EHMT1: variants seen among roughly 807,000 people sequenced by gnomAD.
The protein encoded by EHMT1 is euchromatic histone lysine methyltransferase 1.
Under a neutral mutation model 147.2 loss-of-function variants are expected in EHMT1, and 15 were observed. The observed-to-expected ratio is 0.10, with a 90% confidence interval of 0.07 to 0.16. EHMT1 has a LOEUF of 0.16. Among genes scored for constraint, EHMT1 ranks in the 10% least tolerant of loss-of-function variants. The pLI, the probability that EHMT1 is intolerant of heterozygous loss-of-function variation, is 1.00. For synonymous variants in EHMT1, 795 were observed against 709.6 expected (o/e 1.12, Z -1.91); for missense variants, 1,587 against 1,772.4 (o/e 0.90, Z 1.88).
intron 3 of EHMT1, among the ~76,000 whole-genome samples, chr9:137,724,980 C>G (rs1034207137): frequency 6.8e-6 from 1 of 147,742 alleles, no homozygotes; most frequent in Non-Finnish European, 1.5e-5. Context: ...ATTCGTGTGG[C>G]AGACGTGTGG....
chr9:137,664,558 C>T (rs78846251), intron 1 of EHMT1, among the ~76,000 whole-genome samples: 1,852 of 152,188 alleles, frequency 0.012, 13 homozygotes, highest in Middle Eastern at 0.048. Context: ...TGCGCCTGGC[C>T]CGATACTCTC....
At chr9:137,635,558 C>T (rs749943804) in intron 1 of EHMT1, among the ~76,000 whole-genome samples, 8 of 151,278 alleles carry the variant, frequency 5.3e-5, no homozygotes, top group Non-Finnish European at 7.4e-5. Flanking sequence ...CGGTGGCTCA[C>T]GCCTGTAATC....
At chr9:137,658,450 G>A (rs186272482) in intron 1 of EHMT1, among the ~76,000 whole-genome samples, 40 of 151,822 alleles carry the variant, frequency 2.6e-4, no homozygotes, top group African/African-American at 7.5e-4. Context: ...CGCACCCAGC[G>A]CCCAGAATGG....
Position 137,691,645 on chromosome 9 carries a change from G to T in EHMT1, c.22-19322G>T, listed in dbSNP as rs184194586. On this transcript the variant is annotated intron_variant, in intron 1 of 26. Coordinates refer to ENST00000460843, the MANE Select transcript of EHMT1 (RefSeq NM_024757.5). ...CTGCTTTCAATTGCTAGGTCATATG[G>T]TAATTCTATTTTTGATGTGTTGAGG... is the stretch of plus-strand genomic sequence containing the variant. Among the ~76,000 whole-genome samples, 279 of 152,198 alleles carry T rather than the reference G, an allele frequency of 1.8e-3. 1 individual carries two copies. The highest frequency in any genetic ancestry group is 6.1e-3 in the African/African-American group (254 of 41,544).
At chr9:137,781,254 G>A (rs79286518) in intron 14 of EHMT1, among the ~76,000 whole-genome samples, 13,358 of 48,968 alleles carry the variant, frequency 0.27, 1,882 homozygotes, top group East Asian at 0.43. Flanking sequence ...GGGACGTGTG[G>A]TGACGACGCT....
intron 1 of EHMT1, among the ~76,000 whole-genome samples, chr9:137,677,606 T>C (rs1311365691): frequency 6.6e-6 from 1 of 152,086 alleles, no homozygotes; most frequent in East Asian, 1.9e-4. Context: ...TTTCTATTTT[T>C]AGTAGAGACG....
At chr9:137,669,747 C>G (rs1940321457) in intron 1 of EHMT1, among the ~76,000 whole-genome samples, 1 of 151,852 alleles carries the variant, frequency 6.6e-6, no homozygotes, top group African/African-American at 2.4e-5. Context: ...AAAAATTAAT[C>G]TCCTTATGTT....
intron 10 of EHMT1, chr9:137,763,305 G>A (rs138254095): frequency 2.8e-5 from 7 of 247,520 alleles, no homozygotes; most frequent in African/African-American, 1.1e-4. Context: ...GGGACAGGAG[G>A]GGGGATCAGG....
chr9:137,675,407 G>T (rs1589215623), intron 1 of EHMT1, among the ~76,000 whole-genome samples: 2 of 111,394 alleles, frequency 1.8e-5, no homozygotes, highest in African/African-American at 5.3e-5. Context: ...TGACCAATAG[G>T]GGGGTTGGTG....
intron 23 of EHMT1, chr9:137,817,238 C>A: frequency 1.5e-6 from 1 of 652,210 alleles, no homozygotes. Context: ...GGCTGGGGTG[C>A]TCCTGGCTGA....
chr9:137,835,122 G>T lies in EHMT1; in HGVS notation c.*169G>T. The T allele has an allele frequency of 5.4e-6, 4 of 747,404 alleles. No individual in the cohort carries two copies. In the South Asian group the frequency reaches 1.2e-4, roughly 22 times the overall value. 46.3% of individuals were successfully genotyped at this position (747,404 alleles called of 1,614,324 possible). ...GCAGCCCCTGCGGGCGGGTGTGGAT[G>T]CCTCCCAGCCACCTTCCCAGACCTG... On this transcript the variant is annotated 3_prime_UTR_variant, in exon 27 of 27. Transcript: ENST00000460843.
intron 2 of EHMT1, among the ~76,000 whole-genome samples, chr9:137,714,979 T>C (rs1270457049): frequency 1.3e-5 from 2 of 152,146 alleles, no homozygotes; most frequent in African/African-American, 4.8e-5. Context: ...TAATACCCTT[T>C]GTAGTTTTCC....
rs765396242 is a variant in EHMT1, at chr9:137,716,693, C to T, written c.153C>T (p.Asp51=). The change falls in exon 3 of 27, where the codon GAC becomes GAT. Residue 51 remains aspartate, a synonymous_variant. Coordinates refer to ENST00000460843, the MANE Select transcript of EHMT1 (RefSeq NM_024757.5). ...CAGGAGAGGCCCACATGGCTGCGGA[C>T]GGTGAGACCAATGGGTCTTGTGAAA... ...KQAGEAHMAA[D]GETNGSCENS... 3.5e-5 allele frequency: 56 copies of T among 1,606,632 alleles called. No individual in the cohort carries two copies. Among genetic ancestry groups the T allele is most frequent in the Admixed American group, 3.3e-4 (20 of 59,788 alleles).
At chr9:137,656,573 G>C (rs1239539700) in intron 1 of EHMT1, among the ~76,000 whole-genome samples, 1 of 152,110 alleles carries the variant, frequency 6.6e-6, no homozygotes, top group Non-Finnish European at 1.5e-5. Context: ...TCGCTTTCTT[G>C]ACTGCCTTGT....
chr9:137,656,241 A>C (rs1363270203), intron 1 of EHMT1, among the ~76,000 whole-genome samples: 1 of 152,072 alleles, frequency 6.6e-6, no homozygotes, highest in African/African-American at 2.4e-5. Context: ...TTAGCTGGGC[A>C]TGGCAGCGTG....
chr9:137,708,723 C>T (rs928499569), intron 1 of EHMT1, among the ~76,000 whole-genome samples: 2 of 152,202 alleles, frequency 1.3e-5, no homozygotes, highest in Non-Finnish European at 2.9e-5. Context: ...TCACTCTGTT[C>T]TGTGGAAATG....
At chr9:137,814,353 G>A in intron 21 of EHMT1, 78 bp from the exon 22 acceptor site, 2 of 1,472,396 alleles carry the variant, frequency 1.4e-6, no homozygotes, top group East Asian at 2.3e-5. Flanking sequence ...AACAGAACTG[G>A]AAGACGTAGT....
chr9:137,832,000 T>C (rs1468049631), intron 25 of EHMT1, among the ~76,000 whole-genome samples: 4 of 123,042 alleles, frequency 3.3e-5, no homozygotes, highest in Non-Finnish European at 7.1e-5. Context: ...CTCCACAGGC[T>C]CCGCCTCCTA....
intron 1 of EHMT1, among the ~76,000 whole-genome samples, chr9:137,677,587 G>A (rs531079291): frequency 4.6e-5 from 7 of 151,980 alleles, no homozygotes; most frequent in Non-Finnish European, 8.8e-5. Flanking sequence ...CACCACGCCC[G>A]GCTAAGTTTT....
Sources: allele counts gnomAD v4.1 joint callset (sites outside exome capture counted in the v4.1 genomes callset), GRCh38; gene constraint gnomAD v4.1.1; transcripts MANE v1.5; gene names NCBI Gene and HGNC (gene_info 2026-07-23, HGNC 2026-07-21).